PUM1: variants seen among roughly 807,000 people sequenced by gnomAD.
PUM1 encodes the protein pumilio RNA binding family member 1.
PUM1 carries 13 observed loss-of-function variants against 131.8 expected under a neutral mutation model. The ratio of observed to expected loss-of-function variants is 0.10; its 90% CI spans 0.06 to 0.16. The LOEUF (loss-of-function observed/expected upper bound fraction) is 0.16. Ranked by LOEUF, PUM1 falls within the 10% of genes least tolerant of loss-of-function variation. The pLI is 1.00. For synonymous variants in PUM1, 509 were observed against 556.5 expected, an observed-to-expected ratio of 0.91 and a Z score of 1.20; for missense variants, 961 against 1,512.4, an observed-to-expected ratio of 0.64 and a Z score of 6.05.
chr1:31,005,802 AGAGAG>A, intron 5 of PUM1, 46 bp downstream of exon 5: 1 of 1,179,214 alleles, frequency 8.5e-7, no homozygotes, highest in Non-Finnish European at 1.1e-6. Flanking sequence ...AGAGAGAGAG[AGAGAG>A]AGAGAGAGAG....
intron 5 of PUM1, among the ~76,000 whole-genome samples, chr1:30,997,166 G>C (rs1022525323): frequency 6.6e-6 from 1 of 152,162 alleles, no homozygotes; most frequent in Non-Finnish European, 1.5e-5. Flanking sequence ...TGGCTCAGAA[G>C]AAACAGTTCA....
At chr1:31,030,518 C>T (rs991400973) in intron 2 of PUM1, among the ~76,000 whole-genome samples, 8 of 152,118 alleles carry the variant, frequency 5.3e-5, no homozygotes, top group African/African-American at 1.9e-4. Flanking sequence ...GTAGAGTACC[C>T]TGTCTCTACA....
At chr1:31,001,157 C>G (rs1642196925) in intron 5 of PUM1, among the ~76,000 whole-genome samples, 1 of 151,602 alleles carries the variant, frequency 6.6e-6, no homozygotes, top group Non-Finnish European at 1.5e-5. Context: ...GCGCTCTAGC[C>G]TGGGCGACAG....
At chr1:30,948,777 A>G (rs1424149705) in intron 17 of PUM1, among the ~76,000 whole-genome samples, 1 of 99,128 alleles carries the variant, frequency 1.0e-5, no homozygotes, top group East Asian at 8.5e-4. Flanking sequence ...AAACAAGAAA[A>G]TTAAAGAAGA....
intron 2 of PUM1, among the ~76,000 whole-genome samples, chr1:31,057,123 G>A (rs1362875576): frequency 6.6e-6 from 1 of 152,154 alleles, no homozygotes; most frequent in African/African-American, 2.4e-5. Context: ...TAAAGAACTG[G>A]TCAGATGCAG....
chr1:31,021,141 T>C (rs1367259581), intron 3 of PUM1, among the ~76,000 whole-genome samples: 1 of 152,244 alleles, frequency 6.6e-6, no homozygotes, highest in Non-Finnish European at 1.5e-5. Context: ...AATGCCTTTA[T>C]ATATCGGATT....
chr1:31,054,291 A>G (rs996736887), intron 2 of PUM1, among the ~76,000 whole-genome samples: 7 of 151,766 alleles, frequency 4.6e-5, no homozygotes, highest in Admixed American at 3.9e-4. Context: ...TGCCCATTGC[A>G]CTCCAGCCTC....
At chr1:31,013,453 A>G (rs1642693339) in intron 3 of PUM1, among the ~76,000 whole-genome samples, 1 of 152,206 alleles carries the variant, frequency 6.6e-6, no homozygotes, top group African/African-American at 2.4e-5. Flanking sequence ...CTTAAGAAAT[A>G]CTACTAACAT....
intron 15 of PUM1, among the ~76,000 whole-genome samples, chr1:30,952,868 C>T (rs577892625): frequency 1.3e-5 from 2 of 152,034 alleles, no homozygotes; most frequent in South Asian, 2.1e-4. Context: ...ATCAGCTACT[C>T]GGGAGGCTGA....
chr1:31,041,969 C>T (rs181065219), intron 2 of PUM1, among the ~76,000 whole-genome samples: 5 of 152,092 alleles, frequency 3.3e-5, no homozygotes, highest in African/African-American at 4.8e-5. Flanking sequence ...TATGATTACT[C>T]GTTATTAATT....
intron 5 of PUM1, among the ~76,000 whole-genome samples, chr1:31,002,633 C>T (rs1482052713): frequency 6.6e-6 from 1 of 152,074 alleles, no homozygotes; most frequent in African/African-American, 2.4e-5. Flanking sequence ...GTGGGGTGAG[C>T]ACCTGTTCTA....
At chr1:31,003,143 T>C (rs1642274306) in intron 5 of PUM1, among the ~76,000 whole-genome samples, 1 of 152,184 alleles carries the variant, frequency 6.6e-6, no homozygotes, top group East Asian at 1.9e-4. Flanking sequence ...GGAATTAATG[T>C]TGATACAGCT....
chr1:30,967,007 A>C, intron 12 of PUM1, 160 bp downstream of exon 12: 1 of 823,776 alleles, frequency 1.2e-6, no homozygotes. Flanking sequence ...AGGAGAATCC[A>C]CTAAGGTCAC....
intron 3 of PUM1, among the ~76,000 whole-genome samples, chr1:31,024,899 T>C (rs1261133941): frequency 6.6e-6 from 1 of 152,198 alleles, no homozygotes; most frequent in Non-Finnish European, 1.5e-5. Context: ...TCAGTGAGCC[T>C]TCCTCTCTAC....
At chr1:30,943,668 T>C (rs1639554133) in intron 18 of PUM1, among the ~76,000 whole-genome samples, 1 of 152,222 alleles carries the variant, frequency 6.6e-6, no homozygotes, top group Admixed American at 6.5e-5. Flanking sequence ...GGTATACATG[T>C]ACAGATATTT....
chr1:30,975,853 G>A, intron 9 of PUM1, among the ~76,000 whole-genome samples: 1 of 151,930 alleles, frequency 6.6e-6, no homozygotes, highest in East Asian at 1.9e-4. Context: ...AGGCCAAGTT[G>A]GGTGGATCAC....
At chr1:31,025,891 G>A (rs971686280) in intron 3 of PUM1, among the ~76,000 whole-genome samples, 1 of 152,094 alleles carries the variant, frequency 6.6e-6, no homozygotes, top group Non-Finnish European at 1.5e-5. Flanking sequence ...CCCTCTCAGA[G>A]ATGTTTTATT....
chr1:31,045,838 T>C (rs1223544086), intron 2 of PUM1, among the ~76,000 whole-genome samples: 4 of 152,050 alleles, frequency 2.6e-5, no homozygotes, highest in African/African-American at 4.8e-5. Flanking sequence ...TCCTGGCACT[T>C]TGGGAGGCTG....
At chr1:31,038,984 A>ATATATATATATATATTTATTTT in intron 2 of PUM1, among the ~76,000 whole-genome samples, 1 of 49,422 alleles carries the variant, frequency 2.0e-5, no homozygotes, top group African/African-American at 2.1e-4. Context: ...ATATATATAT[A>ATATATATATATATATTTATTTT]TTTTTTTTTT....
Sources: allele counts gnomAD v4.1 joint callset (sites outside exome capture counted in the v4.1 genomes callset), GRCh38; gene constraint gnomAD v4.1.1; transcripts MANE v1.5; gene names NCBI Gene and HGNC (gene_info 2026-07-23, HGNC 2026-07-21).